The following COL19A1 variants were observed in gnomAD, a reference collection of about 807,000 sequenced individuals.
COL19A1 encodes collagen type XIX alpha 1 chain.
COL19A1 carries 159 observed loss-of-function variants against 190.2 expected under a neutral mutation model. The observed-to-expected ratio is 0.84, with a 90% CI of 0.73 to 0.95. The LOEUF (loss-of-function observed/expected upper bound fraction) is 0.95, where lower values mean the gene tolerates loss of function less well. Ranked by LOEUF, COL19A1 falls within the 40% of genes least tolerant of loss-of-function variation. The pLI, the probability that COL19A1 is intolerant of heterozygous loss-of-function variation, is 0.00. For missense variants in COL19A1, 1,418 were observed against 1,431.9 expected, an observed-to-expected ratio of 0.99 and a Z score of 0.16; for synonymous variants, 509 against 458.9, an observed-to-expected ratio of 1.11 and a Z score of -1.39.
intron 15 of COL19A1, among the ~76,000 whole-genome samples, chr6:70,075,699 G>A (rs1224624881): frequency 6.6e-6 from 1 of 151,776 alleles, no homozygotes; most frequent in Non-Finnish European, 1.5e-5. Context: ...TCTCCTTGTG[G>A]TAAATTTCAC....
intron 36 of COL19A1, 138 bp downstream of exon 36, chr6:70,163,534 T>C: frequency 2.7e-6 from 2 of 737,658 alleles, no homozygotes; most frequent in Non-Finnish European, 4.4e-6. Flanking sequence ...ATTCTTGTAG[T>C]GGATTTGGAA....
intron 37 of COL19A1, 82 bp downstream of exon 37, chr6:70,166,067 T>C: frequency 2.5e-6 from 3 of 1,199,278 alleles, no homozygotes; most frequent in Non-Finnish European, 3.7e-6. Flanking sequence ...TACATTTAGA[T>C]GTTTTCAAAG....
intron 42 of COL19A1, 151 bp downstream of exon 42, chr6:70,176,715 C>A (rs1381699146): frequency 1.8e-6 from 1 of 553,296 alleles, no homozygotes; most frequent in Non-Finnish European, 3.0e-6. Context: ...AATAATGCCA[C>A]CTGTATTTTC....
Position 70,089,872 on chromosome 6 carries a change from A to G in COL19A1, c.1225-12297A>G, listed in dbSNP as rs199607869. ...GATGAAATAGATCTCACTTCCTTAT[A>G]CTGTATATCTTTTTTTCCAGTCAAA... On this transcript the variant is annotated intron_variant, in intron 15 of 50. Transcript: ENST00000620364. Among the ~76,000 whole-genome samples, 7 of 152,268 alleles carry G rather than the reference A, an allele frequency of 4.6e-5. No individual in the cohort carries two copies. The East Asian group carries it at 1.2e-3, about 25-fold the overall frequency.
chr6:69,898,872 T>G (rs990296751), intron 2 of COL19A1, 76 bp from the exon 3 acceptor site: 2 of 856,202 alleles, frequency 2.3e-6, no homozygotes, highest in Non-Finnish European at 3.8e-6. Context: ...CATTTTATCT[T>G]AAGTTTCTGA....
intron 49 of COL19A1, among the ~76,000 whole-genome samples, chr6:70,203,897 T>C (rs1767702812): frequency 6.6e-6 from 1 of 152,044 alleles, no homozygotes; most frequent in Admixed American, 6.5e-5. Flanking sequence ...TTCACTCTTG[T>C]TGCCTAGGCT....
chr6:70,147,005 A>G (rs1265509230), intron 27 of COL19A1, 116 bp downstream of exon 27: 2 of 862,606 alleles, frequency 2.3e-6, no homozygotes, highest in East Asian at 2.7e-5. Context: ...ACAAATAAAC[A>G]CTATCCAGAG....
chr6:70,127,697 A>G (rs1196876082), intron 17 of COL19A1, among the ~76,000 whole-genome samples: 1 of 152,198 alleles, frequency 6.6e-6, no homozygotes. Flanking sequence ...GGTGGCAGAC[A>G]TCAGAAGAGT....
intron 12 of COL19A1, among the ~76,000 whole-genome samples, chr6:70,026,341 G>T (rs1004543845): frequency 3.3e-5 from 5 of 152,170 alleles, no homozygotes; most frequent in Non-Finnish European, 5.9e-5. Flanking sequence ...CTAACTTACT[G>T]AGAGATCCCA....
At chr6:69,898,533 GT>G (rs1199322538) in intron 2 of COL19A1, among the ~76,000 whole-genome samples, 1 of 152,010 alleles carries the variant, frequency 6.6e-6, no homozygotes, top group Non-Finnish European at 1.5e-5. Flanking sequence ...GTTGCCTTTA[GT>G]TTTTAAAGTT....
chr6:69,994,396 T>C (rs1427203167), intron 11 of COL19A1, among the ~76,000 whole-genome samples: 1 of 152,052 alleles, frequency 6.6e-6, no homozygotes, highest in Non-Finnish European at 1.5e-5. Flanking sequence ...AAGGAACGAG[T>C]TAAAGACAGC....
chr6:70,103,185 C>G (rs1288476892), intron 16 of COL19A1, among the ~76,000 whole-genome samples: 1 of 152,120 alleles, frequency 6.6e-6, no homozygotes. Context: ...AAAAATAATC[C>G]TAGATTTTTT....
At chr6:70,180,768 C>T (rs1207425875) in intron 44 of COL19A1, among the ~76,000 whole-genome samples, 4 of 152,184 alleles carry the variant, frequency 2.6e-5, no homozygotes, top group Admixed American at 2.0e-4. Flanking sequence ...GGAAATCTGA[C>T]TCATCATTTC....
intron 12 of COL19A1, among the ~76,000 whole-genome samples, chr6:70,028,945 G>T (rs1174193087): frequency 6.6e-6 from 1 of 152,086 alleles, no homozygotes; most frequent in Non-Finnish European, 1.5e-5. Context: ...TTTCTGTGGG[G>T]TTATACAATC....
At chr6:70,144,427 C>T (rs1248326772) in intron 24 of COL19A1, among the ~76,000 whole-genome samples, 164 bp downstream of exon 24, 2 of 152,058 alleles carry the variant, frequency 1.3e-5, no homozygotes, top group African/African-American at 4.8e-5. Context: ...ATTTGGCAGC[C>T]CTGGTTCTGG....
chr6:70,094,048 C>T (rs188011853), intron 15 of COL19A1, among the ~76,000 whole-genome samples: 1 of 152,240 alleles, frequency 6.6e-6, no homozygotes, highest in Admixed American at 6.5e-5. Flanking sequence ...CTTGTCAGAT[C>T]CCTGAAGTAA....
At chr6:69,978,825 A>G (rs1435862178) in intron 11 of COL19A1, among the ~76,000 whole-genome samples, 3 of 151,842 alleles carry the variant, frequency 2.0e-5, no homozygotes, top group Middle Eastern at 3.4e-3. Context: ...AAATGAATAC[A>G]CAAAGAATTA....
Position 70,121,921 on chromosome 6 carries a change from A to C in COL19A1, c.1320A>C (p.Gly440=). 1.9e-6 allele frequency: 3 copies of C among 1,589,948 alleles called. No homozygotes were observed. Among genetic ancestry groups the C allele is most frequent in the Non-Finnish European group, 2.6e-6 (3 of 1,169,680 alleles). Residue 440 remains glycine (G), a synonymous_variant, in exon 17 of 51, where the codon GGA becomes GGC. Coordinates refer to ENST00000620364, the MANE Select transcript of COL19A1 (RefSeq NM_001858.6). ...AAGGAATACACCAAACTCTTGGTGG[A>C]TATTATAACAAGGATAACAAGGTAT... The part of the protein sequence containing the change: ...GIQGIHQTLG[G]YYNKDNKGND...
chr6:69,982,668 T>C (rs1296394624), intron 11 of COL19A1, among the ~76,000 whole-genome samples: 1 of 151,152 alleles, frequency 6.6e-6, no homozygotes, highest in Non-Finnish European at 1.5e-5. Context: ...CATTTTCATA[T>C]CAATTTTAAA....
Sources: gnomAD v4.1 joint callset for allele counts (sites outside exome capture counted in the v4.1 genomes callset) on GRCh38, gnomAD v4.1.1 for gene constraint, MANE v1.5 for transcripts, NCBI Gene and HGNC (gene_info 2026-07-23, HGNC 2026-07-21) for gene names.